PIK3C2A: variants seen among roughly 807,000 people sequenced by gnomAD.
PIK3C2A encodes the protein phosphatidylinositol 4-phosphate 3-kinase C2 domain-containing subunit alpha.
PIK3C2A carries 97 observed loss-of-function variants against 204.5 expected under a neutral mutation model. The ratio of observed to expected loss-of-function variants is 0.47; its 90% CI spans 0.40 to 0.56. The LOEUF (loss-of-function observed/expected upper bound fraction) is 0.56, where lower values mean the gene tolerates loss of function less well. Among genes scored for constraint, PIK3C2A ranks in the 20% least tolerant of loss-of-function variants. The pLI, the probability that PIK3C2A is intolerant of heterozygous loss-of-function variation, is 0.00. For synonymous variants in PIK3C2A, 653 were observed against 664.4 expected, an observed-to-expected ratio of 0.98 and a Z score of 0.26; for missense variants, 1,735 against 1,969.2, an observed-to-expected ratio of 0.88 and a Z score of 2.25.
chr11:17,124,900 T>A (rs78644741), intron 13 of PIK3C2A, among the ~76,000 whole-genome samples: 5,236 of 152,318 alleles, frequency 0.034, 258 homozygotes, highest in African/African-American at 0.11. Flanking sequence ...TCATTTCACA[T>A]GTCCTCCTGT....
chr11:17,129,501 T>C, intron 12 of PIK3C2A, 34 bp from the exon 13 acceptor site: 1 of 1,357,904 alleles, frequency 7.4e-7, no homozygotes, highest in Non-Finnish European at 1.0e-6. Flanking sequence ...TAGAACAAAT[T>C]AGATTGAATG....
At chr11:17,093,652 G>T (rs571683062) in intron 28 of PIK3C2A, among the ~76,000 whole-genome samples, 2 of 150,532 alleles carry the variant, frequency 1.3e-5, no homozygotes, top group Non-Finnish European at 3.0e-5. Context: ...TTTTTTGGGG[G>T]GGGGGGACAG....
intron 4 of PIK3C2A, 54 bp from the exon 5 acceptor site, chr11:17,148,841 C>T (rs534501259): frequency 3.5e-6 from 5 of 1,436,646 alleles, no homozygotes; most frequent in East Asian, 4.6e-5. Context: ...TTATTCAAGA[C>T]TGTATTACTT....
intron 6 of PIK3C2A, among the ~76,000 whole-genome samples, chr11:17,146,963 A>C (rs1273450188): frequency 6.6e-6 from 1 of 152,236 alleles, no homozygotes; most frequent in Non-Finnish European, 1.5e-5. Context: ...TTCGATTTTA[A>C]GTTCATCAAG....
At chr11:17,127,521 C>T (rs1849563988) in intron 13 of PIK3C2A, among the ~76,000 whole-genome samples, 1 of 152,108 alleles carries the variant, frequency 6.6e-6, no homozygotes, top group Non-Finnish European at 1.5e-5. Context: ...GTTGGCCAGA[C>T]TGGTCTCGAA....
intron 1 of PIK3C2A, among the ~76,000 whole-genome samples, chr11:17,198,455 T>C (rs1023613116): frequency 1.3e-5 from 2 of 152,182 alleles, no homozygotes. Flanking sequence ...CCTTTGTCTT[T>C]AGTTTTCTCA....
Position 17,183,938 on chromosome 11 carries a change from TA to T in PIK3C2A, c.-65-14133del, listed in dbSNP as rs773179143. 8.6e-3 allele frequency among the ~76,000 whole-genome samples: 1,125 copies of T among 131,408 alleles called. 3 individuals are homozygous for T. Among genetic ancestry groups the T allele is most frequent in the Middle Eastern group, 0.015 (4 of 264 alleles). 86.2% of individuals were successfully genotyped at this position (131,408 alleles called of 152,430 possible). ...TGAGCAACATAGTGAGAACCCTCTT[TA>T]AAAAAAAAAAAAAAAAATTAGCCAG... is the stretch of plus-strand genomic sequence containing the variant. On this transcript the variant is annotated intron_variant, in intron 1 of 32. Transcript: ENST00000691414.
At chr11:17,119,170 A>G (rs1003232216) in intron 17 of PIK3C2A, 50 bp downstream of exon 17, 3 of 1,075,652 alleles carry the variant, frequency 2.8e-6, no homozygotes, top group South Asian at 1.4e-5. Flanking sequence ...AAGTTCCCAT[A>G]AAAAACTAGA....
intron 1 of PIK3C2A, among the ~76,000 whole-genome samples, chr11:17,172,804 A>G (rs1851220979): frequency 6.6e-6 from 1 of 152,094 alleles, no homozygotes; most frequent in African/African-American, 2.4e-5. Flanking sequence ...CCTCCACTTC[A>G]TCATCGGTGA....
intron 19 of PIK3C2A, among the ~76,000 whole-genome samples, chr11:17,116,168 C>T (rs180830023): frequency 2.9e-3 from 438 of 151,952 alleles, no homozygotes; most frequent in Non-Finnish European, 4.9e-3. Flanking sequence ...GTCTAGTATC[C>T]AAAATATATA....
intron 1 of PIK3C2A, among the ~76,000 whole-genome samples, chr11:17,194,738 C>T (rs1236233110): frequency 2.0e-5 from 3 of 151,854 alleles, no homozygotes; most frequent in Non-Finnish European, 4.4e-5. Context: ...GGTGAAACTC[C>T]ACCTCTACTA....
chr11:17,178,272 G>C (rs1321500297), intron 1 of PIK3C2A, among the ~76,000 whole-genome samples: 1 of 151,996 alleles, frequency 6.6e-6, no homozygotes, highest in East Asian at 1.9e-4. Context: ...CTTGAAATCT[G>C]TGCATATTAT....
At chr11:17,125,350 TCCTACA>T (rs1849488675) in intron 13 of PIK3C2A, among the ~76,000 whole-genome samples, 1 of 152,118 alleles carries the variant, frequency 6.6e-6, no homozygotes, top group Non-Finnish European at 1.5e-5. Context: ...CCGCTAAACA[TCCTACA>T]ATGCACAGAA....
At chr11:17,147,966 C>G (rs1850299108) in intron 5 of PIK3C2A, among the ~76,000 whole-genome samples, 1 of 151,940 alleles carries the variant, frequency 6.6e-6, no homozygotes, top group African/African-American at 2.4e-5. Flanking sequence ...ACCTGTAATC[C>G]CAGCACTTTG....
rs577440754 is a variant in PIK3C2A, at chr11:17,170,580, G to A, written c.-65-774C>T. On this transcript the variant is annotated intron_variant, in intron 1 of 32. Coordinates refer to ENST00000691414, the MANE Select transcript of PIK3C2A (RefSeq NM_002645.4). ...ATCCTTAAATATTTTTATTCTTCAC[G>A]AAAAGATGAGAAGATAATTTTTAAA... 7.2e-4 allele frequency among the ~76,000 whole-genome samples: 110 copies of A among 152,074 alleles called. 1 individual carries two copies. The South Asian group carries it at 0.021, about 29-fold the overall frequency.
At chr11:17,195,660 T>C (rs1455674111) in intron 1 of PIK3C2A, among the ~76,000 whole-genome samples, 2 of 151,366 alleles carry the variant, frequency 1.3e-5, no homozygotes, top group African/African-American at 4.9e-5. Flanking sequence ...GGAGGATTGC[T>C]TGAACCCAGG....
At chr11:17,196,856 G>A (rs1423615018) in intron 1 of PIK3C2A, among the ~76,000 whole-genome samples, 1 of 151,900 alleles carries the variant, frequency 6.6e-6, no homozygotes, top group East Asian at 1.9e-4. Flanking sequence ...AGGCGTGAGA[G>A]GCGTGAGCCA....
chr11:17,144,965 C>CA (rs1565272304), intron 8 of PIK3C2A, among the ~76,000 whole-genome samples: 7 of 147,400 alleles, frequency 4.7e-5, no homozygotes. Flanking sequence ...TTTGGACTTG[C>CA]ATGGGGCCTG....
At chr11:17,197,310 G>A (rs142008647) in intron 1 of PIK3C2A, among the ~76,000 whole-genome samples, 7 of 152,074 alleles carry the variant, frequency 4.6e-5, no homozygotes, top group South Asian at 2.1e-4. Context: ...ATGAGCCACC[G>A]CACCTGGCCC....
Sources: gnomAD v4.1 joint callset for allele counts (sites outside exome capture counted in the v4.1 genomes callset) on GRCh38, gnomAD v4.1.1 for gene constraint, MANE v1.5 for transcripts, NCBI Gene and HGNC (gene_info 2026-07-23, HGNC 2026-07-21) for gene names.